Variants in SCARB2 observed in about 807,000 individuals in gnomAD.
SCARB2 encodes lysosome membrane protein 2.
Under a neutral mutation model 58.6 loss-of-function variants are expected in SCARB2, and 29 were observed. The ratio of observed to expected loss-of-function variants is 0.49; its 90% CI spans 0.37 to 0.67. The LOEUF is 0.67. Among genes scored for constraint, SCARB2 ranks in the 30% least tolerant of loss-of-function variants. SCARB2 has a pLI of 0.00. For synonymous variants in SCARB2, 195 were observed against 210.1 expected, an observed-to-expected ratio of 0.93 and a Z score of 0.62; for missense variants, 488 against 578.5, an observed-to-expected ratio of 0.84 and a Z score of 1.60.
chr4:76,231,247 A>G (rs1003602708), intron 1 of SCARB2, among the ~76,000 whole-genome samples: 9 of 152,206 alleles, frequency 5.9e-5, no homozygotes, highest in Non-Finnish European at 8.8e-5. Context: ...CCCAAAGGAA[A>G]TGTCCAAGTG....
chr4:76,170,675 A>G lies in SCARB2; in HGVS notation c.995-690T>C, dbSNP rs1732109914. Among the ~76,000 whole-genome samples, 3 of 151,762 alleles carry G rather than the reference A, an allele frequency of 2.0e-5. No homozygotes were observed. The South Asian group carries it at 6.2e-4, about 32-fold the overall frequency. ...TGGGACTACAGGCATGCACCACCAC[A>G]CCCGGATAATTTTTTTGTATTTTTA... On this transcript the variant is annotated intron_variant, in intron 7 of 11. Transcript: ENST00000264896.
intron 6 of SCARB2, chr4:76,175,498 T>A (rs1732234392): frequency 2.4e-6 from 1 of 408,788 alleles, no homozygotes. Flanking sequence ...CTAACATAGT[T>A]AACAATTTCT....
intron 1 of SCARB2, among the ~76,000 whole-genome samples, chr4:76,212,608 TG>T (rs1468164918): frequency 6.6e-6 from 1 of 152,148 alleles, no homozygotes; most frequent in East Asian, 1.9e-4. Context: ...AAGGAAAAAA[TG>T]ATCCCAGTAA....
intron 1 of SCARB2, among the ~76,000 whole-genome samples, chr4:76,202,455 T>G (rs1260130844): frequency 6.6e-6 from 1 of 152,106 alleles, no homozygotes; most frequent in Non-Finnish European, 1.5e-5. Flanking sequence ...GAGAAAGGGC[T>G]TCACCATGTT....
intron 9 of SCARB2, among the ~76,000 whole-genome samples, chr4:76,167,725 A>G (rs1268474126): frequency 1.7e-5 from 2 of 115,190 alleles, no homozygotes; most frequent in South Asian, 3.0e-4. Context: ...CTCTGTCGCC[A>G]GACTGGAGTG....
intron 2 of SCARB2, among the ~76,000 whole-genome samples, chr4:76,182,259 T>TAGTC (rs1732401027): frequency 6.6e-6 from 1 of 152,202 alleles, no homozygotes; most frequent in Non-Finnish European, 1.5e-5. Context: ...TGGTAGCCAC[T>TAGTC]AGTCACATGT....
At chr4:76,228,478 T>TAAA (rs906897366) in intron 1 of SCARB2, among the ~76,000 whole-genome samples, 1 of 140,790 alleles carries the variant, frequency 7.1e-6, no homozygotes, top group Non-Finnish European at 1.6e-5. Flanking sequence ...GCCTCCATCT[T>TAAA]AAAAAAAAAA....
intron 1 of SCARB2, among the ~76,000 whole-genome samples, chr4:76,203,255 A>C (rs1374468838): frequency 6.6e-6 from 1 of 152,198 alleles, no homozygotes; most frequent in East Asian, 1.9e-4. Context: ...GACTACAGGC[A>C]TGAGGCACCA....
intron 1 of SCARB2, among the ~76,000 whole-genome samples, chr4:76,198,435 C>T (rs1047010090): frequency 3.3e-5 from 5 of 152,224 alleles, no homozygotes; most frequent in Non-Finnish European, 5.9e-5. Flanking sequence ...TTCTGACATG[C>T]GTAAACAGTG....
At position 76,178,388 on chromosome 4, in the gene SCARB2, A is replaced by G. The variant is rs370528926; in HGVS notation, c.612+1129T>C. 1.9e-3 allele frequency among the ~76,000 whole-genome samples: 293 copies of G among 152,362 alleles called. 1 individual carries two copies. Among genetic ancestry groups the G allele is most frequent in the South Asian group, 6.4e-3 (31 of 4,830 alleles). ...AACCACATAAGATAGTGTGGCTATCAGTCTGGTGAATTCAATGATGTAAAA... is the reference window on the plus strand; with the variant it reads ...AACCACATAAGATAGTGTGGCTATCGGTCTGGTGAATTCAATGATGTAAAA... On this transcript the variant is annotated intron_variant, in intron 4 of 11. Coordinates refer to ENST00000264896, the MANE Select transcript of SCARB2 (RefSeq NM_005506.4).
rs192689370 is a variant in SCARB2, at chr4:76,178,175, T to C, written c.612+1342A>G. ...TCTTCAATTGTATATTCTCTCCAAG[T>C]TATACTTCTTAAGGGCACATACAGA... On this transcript the variant is annotated intron_variant, in intron 4 of 11. Coordinates refer to ENST00000264896, the MANE Select transcript of SCARB2 (RefSeq NM_005506.4). Among the ~76,000 whole-genome samples, 24 of 152,334 alleles carry C rather than the reference T, an allele frequency of 1.6e-4. No homozygotes were observed. In the East Asian group the frequency reaches 4.4e-3, roughly 28 times the overall value.
chr4:76,165,868 T>G (rs1422762303), intron 10 of SCARB2: 8 of 312,286 alleles, frequency 2.6e-5, no homozygotes, highest in Non-Finnish European at 4.8e-5. Context: ...ATAGGTGTCT[T>G]AAACCAGCAT....
intron 9 of SCARB2, among the ~76,000 whole-genome samples, chr4:76,167,366 G>A (rs1280412118): frequency 6.6e-6 from 1 of 152,148 alleles, no homozygotes; most frequent in African/African-American, 2.4e-5. Context: ...CATGGGGGTG[G>A]ATTTCTCATG....
At chr4:76,207,758 T>C (rs17001648) in intron 1 of SCARB2, among the ~76,000 whole-genome samples, 3,658 of 152,250 alleles carry the variant, frequency 0.024, 132 homozygotes, top group African/African-American at 0.083. Context: ...TCCTGGGAAA[T>C]AAGCAAATGT....
chr4:76,212,852 G>A (rs907490029), intron 1 of SCARB2, among the ~76,000 whole-genome samples: 24 of 152,218 alleles, frequency 1.6e-4, no homozygotes, highest in Admixed American at 1.2e-3. Context: ...AACACAGACT[G>A]TTGGTACAAG....
chr4:76,198,284 A>C (rs1429378637), intron 1 of SCARB2, among the ~76,000 whole-genome samples: 1 of 152,232 alleles, frequency 6.6e-6, no homozygotes, highest in Admixed American at 6.5e-5. Flanking sequence ...AAGAATCAGC[A>C]AACATAAATG....
intron 2 of SCARB2, among the ~76,000 whole-genome samples, chr4:76,189,682 C>A (rs560848976): frequency 5.9e-5 from 9 of 152,070 alleles, no homozygotes; most frequent in African/African-American, 2.2e-4. Flanking sequence ...ATGTTGGCCA[C>A]ATTGGTCTTA....
chr4:76,221,836 C>T (rs996628492), intron 1 of SCARB2, among the ~76,000 whole-genome samples: 6 of 152,154 alleles, frequency 3.9e-5, no homozygotes, highest in Non-Finnish European at 5.9e-5. Context: ...CAGGATCCTT[C>T]GCACACCAAA....
upstream of SCARB2, among the ~76,000 whole-genome samples, chr4:76,216,327 T>G (rs893243705): frequency 6.6e-6 from 1 of 152,102 alleles, no homozygotes; most frequent in African/African-American, 2.4e-5. Context: ...AAAAAAAAAT[T>G]TGGTAACTTG....
Sources: gnomAD v4.1 joint callset for allele counts (sites outside exome capture counted in the v4.1 genomes callset) on GRCh38, gnomAD v4.1.1 for gene constraint, MANE v1.5 for transcripts, NCBI Gene and HGNC (gene_info 2026-07-23, HGNC 2026-07-21) for gene names.